SET: variants seen among roughly 807,000 people sequenced by gnomAD.
The protein encoded by SET is protein SET.
A neutral mutation model predicts 39.0 loss-of-function variants in SET; 4 were observed. The observed-to-expected ratio is 0.10, with a 90% CI of 0.05 to 0.23. The LOEUF (loss-of-function observed/expected upper bound fraction) is 0.23, where lower values mean the gene tolerates loss of function less well. SET is among the 10% of genes least tolerant of loss of function. SET has a pLI of 1.00. For missense variants in SET, 137 were observed against 329.7 expected (o/e 0.42, Z 4.53); for synonymous variants, 114 against 115.9 (o/e 0.98, Z 0.11).
chr9:128,685,045 G>T (rs1861238504), upstream of SET: 2 of 1,496,306 alleles, frequency 1.3e-6, no homozygotes, highest in Admixed American at 4.7e-5. Flanking sequence ...CAAGGAAACG[G>T]GAAGCTTTGA....
intron 1 of SET, chr9:128,689,952 C>G (rs1365870970): frequency 2.3e-6 from 1 of 443,258 alleles, no homozygotes; most frequent in East Asian, 1.5e-4. Context: ...CCCCCTCCCT[C>G]CCTCCCGAGA....
At position 128,689,350 on chromosome 9, in the gene SET, C is replaced by A; in HGVS notation, c.-233C>A. ...GCCGCCTCCGCCTCCCCTCCGCGAA[C>A]AGGAGCCCGGGCCGGGGCCCGGCAC... On this transcript the variant is annotated 5_prime_UTR_variant, in exon 1 of 8. Coordinates refer to ENST00000322030, the MANE Select transcript of SET (RefSeq NM_003011.4). 9.6e-7 allele frequency: 1 copy of A among 1,046,310 alleles called. No homozygotes were observed. The highest frequency in any genetic ancestry group is 1.2e-6 in the Non-Finnish European group (1 of 865,672). The allele number at this position is 1,046,310 out of a possible 1,614,324, so 64.8% of individuals were successfully genotyped here. A position where few individuals can be genotyped will look rare whatever the true frequency, so the allele number is the denominator to read the frequency against.
chr9:128,693,203 G>A (rs1405001315), intron 5 of SET, among the ~76,000 whole-genome samples: 1 of 152,026 alleles, frequency 6.6e-6, no homozygotes, highest in Non-Finnish European at 1.5e-5. Flanking sequence ...AGTTTACCCT[G>A]GGCAACATAG....
chr9:128,690,392 A>G (rs1397201765), intron 1 of SET: 2 of 152,574 alleles, frequency 1.3e-5, no homozygotes, highest in Non-Finnish European at 2.9e-5. Flanking sequence ...GTTACCGGAA[A>G]TGAACCGCGC....
At chr9:128,690,002 C>A in intron 1 of SET, 1 of 1,050,088 alleles carries the variant, frequency 9.5e-7, no homozygotes, top group South Asian at 2.9e-5. Context: ...GCCTCGCTCC[C>A]ATCAGCCGCC....
At position 128,696,349 on chromosome 9, in the gene SET, C is replaced by A. The variant is rs903655378; in HGVS notation, c.*1685C>A. On this transcript the variant is annotated 3_prime_UTR_variant, in exon 8 of 8. Coordinates refer to ENST00000322030, the MANE Select transcript of SET (RefSeq NM_003011.4). ...GTTTAGTAAATACATCACTGTATAC[C>A]GATCAGGAATCTTGCTCCAATAAAG... 5 of 184,508 alleles carry A rather than the reference C, an allele frequency of 2.7e-5. No individual in the cohort carries two copies. The highest frequency in any genetic ancestry group is 5.8e-5 in the Non-Finnish European group (5 of 86,392). The allele number at this position is 184,508 out of a possible 1,614,324, so 11.4% of individuals were successfully genotyped here. A position where few individuals can be genotyped will look rare whatever the true frequency, so the allele number is the denominator to read the frequency against.
At chr9:128,693,219 T>TA (rs1861609055) in intron 5 of SET, among the ~76,000 whole-genome samples, 1 of 152,104 alleles carries the variant, frequency 6.6e-6, no homozygotes, top group Non-Finnish European at 1.5e-5. Flanking sequence ...CATAGACCCT[T>TA]ACCTTCCAAA....
chr9:128,683,942 C>G lies in SET; in HGVS notation c.47C>G (p.Pro16Arg), dbSNP rs1361492173. The G allele has an allele frequency of 2.6e-6, 4 of 1,557,146 alleles. No homozygotes were observed. The East Asian group carries it at 9.7e-5, about 38-fold the overall frequency. The change falls in exon 1 of 8, where the codon CCA becomes CGA. Residue 16 changes from proline to arginine, a missense_variant. Coordinates refer to the SET transcript ENST00000372692. ...CCACTCCCGCCTCAAAAGAAGAAAC[C>G]AAGACCACCTCCTGCTCTGGGACCG...
At position 128,691,150 on chromosome 9, in the gene SET, T is replaced by A; in HGVS notation, c.74-20T>A. The A allele has an allele frequency of 1.3e-6, 2 of 1,593,340 alleles. No individual in the cohort carries two copies. The highest frequency in any genetic ancestry group is 1.7e-6 in the Non-Finnish European group (2 of 1,166,998). On this transcript the variant is annotated intron_variant, in intron 1 of 7. Transcript: ENST00000322030. ...AGGTAAATTTATCTTAGAATTAAGT[T>A]TTTTGCTCCTTTTTTGCAGAAAAAG...
chr9:128,691,089 C>G, intron 1 of SET, 81 bp from the exon 2 acceptor site: 8 of 1,121,778 alleles, frequency 7.1e-6, no homozygotes, highest in Admixed American at 1.8e-5. Context: ...GTTTTAATGG[C>G]TTTTGGAATA....
intron 7 of SET, among the ~76,000 whole-genome samples, chr9:128,694,427 G>A (rs910212229): frequency 6.6e-6 from 1 of 152,000 alleles, no homozygotes; most frequent in African/African-American, 2.4e-5. Context: ...GTTTTATTTC[G>A]GATTATTTGA....
In SET at chr9:128,691,575, A is replaced by G. The variant is rs72758836; in HGVS notation, c.132-283A>G. 3.4e-3 allele frequency among the ~76,000 whole-genome samples: 524 copies of G among 152,356 alleles called. 1 individual carries two copies. Among genetic ancestry groups the G allele is most frequent in the Non-Finnish European group, 6.3e-3 (427 of 68,044 alleles). On this transcript the variant is annotated intron_variant, in intron 2 of 7. Transcript: ENST00000322030. ...TTATTTAGAAATCGCGCTTGAGGGA[A>G]ACAATTGAAATTGGACTGGAAATGG...
chr9:128,689,198 G>A (rs1564357884), upstream of SET: 5 of 955,568 alleles, frequency 5.2e-6, no homozygotes, highest in African/African-American at 1.8e-5. Flanking sequence ...CGCGGGGCCT[G>A]GCGCGCCTGC....
chr9:128,691,026 T>C (rs1272719457), intron 1 of SET, 144 bp from the exon 2 acceptor site: 2 of 740,318 alleles, frequency 2.7e-6, no homozygotes, highest in East Asian at 2.5e-5. Context: ...ATTAGTCAGC[T>C]ACAAGCATGA....
upstream of SET, among the ~76,000 whole-genome samples, chr9:128,686,268 T>C (rs1248117099): frequency 1.3e-5 from 2 of 152,084 alleles, no homozygotes; most frequent in Non-Finnish European, 2.9e-5. Flanking sequence ...TGCTCATATT[T>C]ATCTTGAGAA....
At chr9:128,686,995 G>C (rs1861304755), upstream of SET, among the ~76,000 whole-genome samples, 1 of 152,102 alleles carries the variant, frequency 6.6e-6, no homozygotes, top group Non-Finnish European at 1.5e-5. Context: ...TAGAAAAACT[G>C]TTTTAAGGTA....
chr9:128,686,229 GCTTTCT>G (rs765138596), upstream of SET, among the ~76,000 whole-genome samples: 3 of 152,194 alleles, frequency 2.0e-5, no homozygotes, highest in Non-Finnish European at 2.9e-5. Flanking sequence ...TGGCCCTTTT[GCTTTCT>G]CTTTCTCTTC....
Position 128,690,086 on chromosome 9 carries a change from C to G in SET, c.73+431C>G, listed in dbSNP as rs866662562. 9.2e-5 allele frequency: 50 copies of G among 541,412 alleles called. No homozygotes were observed. In the African/African-American group the frequency reaches 9.5e-4, roughly 10 times the overall value. The allele number at this position is 541,412 out of a possible 1,614,324, so 33.5% of individuals were successfully genotyped here. A position where few individuals can be genotyped will look rare whatever the true frequency, so the allele number is the denominator to read the frequency against. ...GCGCGGTTCCGCTTCGCGCCCGGCC[C>G]GCGGCGGCGCCCCCGGCACCCCCGC... On this transcript the variant is annotated intron_variant, in intron 1 of 7. Transcript: ENST00000322030.
chr9:128,692,302 C>T, intron 3 of SET: 1 of 271,562 alleles, frequency 3.7e-6, no homozygotes, highest in South Asian at 5.5e-5. Flanking sequence ...GAGGCTGAGG[C>T]AGGAGAATCG....
Sources: allele counts gnomAD v4.1 joint callset (sites outside exome capture counted in the v4.1 genomes callset), GRCh38; gene constraint gnomAD v4.1.1; transcripts MANE v1.5; gene names NCBI Gene and HGNC (gene_info 2026-07-23, HGNC 2026-07-21).